ITGB8: variants seen among roughly 807,000 people sequenced by gnomAD.
The protein encoded by ITGB8 is integrin subunit beta 8.
Under a neutral mutation model 89.5 loss-of-function variants are expected in ITGB8, and 30 were observed. The ratio of observed to expected loss-of-function variants is 0.34; its 90% confidence interval spans 0.25 to 0.45. The LOEUF (loss-of-function observed/expected upper bound fraction) is 0.45, where lower values mean the gene tolerates loss of function less well. ITGB8 is among the 20% of genes least tolerant of loss of function. ITGB8 has a pLI of 1.00. For synonymous variants in ITGB8, 335 were observed against 320.4 expected, an observed-to-expected ratio of 1.05 and a Z score of -0.49; for missense variants, 836 against 933.3, an observed-to-expected ratio of 0.90 and a Z score of 1.36.
rs1787688098 is a variant in ITGB8 at position 20,409,704 on chromosome 7, A to G, written c.2113A>G (p.Arg705Gly). 1 of 1,607,948 alleles carries G rather than the reference A, an allele frequency of 6.2e-7. No individual in the cohort carries two copies. The highest frequency in any genetic ancestry group is 8.5e-7 in the Non-Finnish European group (1 of 1,174,912). ...LIGLLKVLII[R>G]QVILQWNSNK... Reference sequence around the variant, plus strand: ...TGGGTTGCTTAAAGTCCTGATCATTAGACAGGTGATACTACAATGGAATAG... The same window carrying G: ...TGGGTTGCTTAAAGTCCTGATCATTGGACAGGTGATACTACAATGGAATAG... The change falls in exon 13 of 14, where the codon AGA (arginine) becomes GGA (glycine). Residue 705 changes from arginine (R) to glycine (G), a missense_variant. By Grantham distance (125) the Arg-to-Gly change is moderately radical (BLOSUM62 -2). Around this residue, in one of 5 missense-constraint regions of ITGB8, gnomAD observed 422 missense variants for 416.9 expected, o/e 1.01. Coordinates refer to ENST00000222573, the MANE Select transcript of ITGB8 (RefSeq NM_002214.3).
rs1392781788 is a variant in ITGB8 at position 20,346,611 on chromosome 7, G to A, written c.127+14678G>A. ...AATTCTTAGGGAAGGAAGAGACAAG[G>A]TCTGAGGAAGCCTGACTTAGTTCTG... On this transcript the variant is annotated intron_variant, in intron 1 of 13. Coordinates refer to ENST00000222573, the MANE Select transcript of ITGB8 (RefSeq NM_002214.3). 4.7e-6 allele frequency: 3 copies of A among 636,690 alleles called. No homozygotes were observed. In the African/African-American group the frequency reaches 5.9e-5, roughly 13 times the overall value. 39.4% of individuals were successfully genotyped at this position (636,690 alleles called of 1,614,324 possible). A position where few individuals can be genotyped will look rare whatever the true frequency, so the allele number is the denominator to read the frequency against.
intron 12 of ITGB8, among the ~76,000 whole-genome samples, chr7:20,406,418 C>T (rs957370825): frequency 1.2e-4 from 19 of 152,004 alleles, no homozygotes; most frequent in East Asian, 5.8e-4. Flanking sequence ...GGCGCAGTGG[C>T]GGGCACCTGT....
chr7:20,372,488 A>G (rs1461765706), intron 3 of ITGB8, among the ~76,000 whole-genome samples: 1 of 152,174 alleles, frequency 6.6e-6, no homozygotes, highest in Admixed American at 6.6e-5. Flanking sequence ...GGAAATCTGT[A>G]TGAATGAAGT....
At chr7:20,399,785 A>C (rs1457713532) in intron 9 of ITGB8, among the ~76,000 whole-genome samples, 2 of 152,198 alleles carry the variant, frequency 1.3e-5, no homozygotes, top group Non-Finnish European at 2.9e-5. Flanking sequence ...GACTTGGACT[A>C]GTAGATTTCC....
intron 3 of ITGB8, among the ~76,000 whole-genome samples, chr7:20,371,489 C>T (rs554219309): frequency 6.6e-6 from 1 of 152,132 alleles, no homozygotes; most frequent in East Asian, 1.9e-4. Flanking sequence ...GTGATTATCT[C>T]ATAAAAGCAA....
At chr7:20,370,529 C>G (rs1018603704) in intron 3 of ITGB8, among the ~76,000 whole-genome samples, 1 of 150,650 alleles carries the variant, frequency 6.6e-6, no homozygotes, top group African/African-American at 2.4e-5. Flanking sequence ...CATGTTCATT[C>G]AAATATTGAA....
chr7:20,354,444 C>A (rs1197817349), intron 1 of ITGB8, among the ~76,000 whole-genome samples: 2 of 152,136 alleles, frequency 1.3e-5, no homozygotes, highest in Non-Finnish European at 2.9e-5. Context: ...GAAAATTCAT[C>A]AGTTAGGAAT....
intron 1 of ITGB8, among the ~76,000 whole-genome samples, chr7:20,360,348 A>ATTTTTT (rs71020629): frequency 1.6e-5 from 2 of 127,704 alleles, no homozygotes; most frequent in Non-Finnish European, 3.2e-5. Context: ...CAGTCCTTTA[A>ATTTTTT]TTTTTTTTTT....
At chr7:20,358,894 A>G (rs955447080) in intron 1 of ITGB8, among the ~76,000 whole-genome samples, 67 of 152,280 alleles carry the variant, frequency 4.4e-4, no homozygotes, top group African/African-American at 1.5e-3. Context: ...GTCAGTGTCT[A>G]CTATTCCCAT....
At chr7:20,376,201 A>G (rs1034562844) in intron 3 of ITGB8, among the ~76,000 whole-genome samples, 19 of 152,124 alleles carry the variant, frequency 1.2e-4, no homozygotes, top group African/African-American at 4.1e-4. Flanking sequence ...TGTCCTTTTC[A>G]TGTAGCCACG....
chr7:20,341,923 G>A (rs761270306), intron 1 of ITGB8, among the ~76,000 whole-genome samples: 52 of 151,948 alleles, frequency 3.4e-4, no homozygotes, highest in Non-Finnish European at 6.3e-4. Context: ...ACTTCTGACT[G>A]CTTTCTACTG....
rs1202569584 is a variant in ITGB8 at position 20,334,376 on chromosome 7, T to C, written c.127+2443T>C. Among the ~76,000 whole-genome samples, 3 of 152,184 alleles carry C rather than the reference T, an allele frequency of 2.0e-5. No individual in the cohort carries two copies. The East Asian group carries it at 5.8e-4, about 29-fold the overall frequency. ...TTACTTATTTTAAAAGATTAAGAAC[T>C]TTCATTACCTAAATTTTTATATAGC... On this transcript the variant is annotated intron_variant, in intron 1 of 13. Transcript: ENST00000222573.
rs371341368 is a variant in ITGB8 at position 20,349,370 on chromosome 7, T to G, written c.128-14267T>G. 9.2e-5 allele frequency among the ~76,000 whole-genome samples: 14 copies of G among 151,754 alleles called. No homozygotes were observed. In the East Asian group the frequency reaches 9.7e-4, roughly 11 times the overall value. On this transcript the variant is annotated intron_variant, in intron 1 of 13. Transcript: ENST00000222573. ...AGTAATTGCGGTTTTTGACATTACT[T>G]TCAATGGCCAAAACCGCAATTACTT... is the stretch of plus-strand genomic sequence containing the variant.
intron 1 of ITGB8, among the ~76,000 whole-genome samples, chr7:20,351,997 A>G (rs558381225): frequency 6.6e-6 from 1 of 152,386 alleles, no homozygotes; most frequent in African/African-American, 2.4e-5. Context: ...TTAGAGGAAC[A>G]GACTGGGAAA....
chr7:20,361,103 G>A (rs531185698), intron 1 of ITGB8, among the ~76,000 whole-genome samples: 40 of 151,696 alleles, frequency 2.6e-4, no homozygotes, highest in Admixed American at 8.5e-4. Flanking sequence ...TCTAATGATC[G>A]GTGATGTTGA....
At chr7:20,385,482 T>C (rs1786571683) in intron 6 of ITGB8, among the ~76,000 whole-genome samples, 1 of 152,224 alleles carries the variant, frequency 6.6e-6, no homozygotes, top group Admixed American at 6.5e-5. Flanking sequence ...TACTGCTGGC[T>C]TCATAGTTCA....
chr7:20,356,442 A>G (rs750121405), intron 1 of ITGB8, among the ~76,000 whole-genome samples: 1 of 152,136 alleles, frequency 6.6e-6, no homozygotes, highest in Non-Finnish European at 1.5e-5. Flanking sequence ...TCTAAACTTT[A>G]CTCTTAAGCA....
At chr7:20,347,761 G>A (rs1003323072) in intron 1 of ITGB8, among the ~76,000 whole-genome samples, 1 of 152,138 alleles carries the variant, frequency 6.6e-6, no homozygotes, top group Admixed American at 6.5e-5. Flanking sequence ...TGGAACTGAA[G>A]GTACCAATTT....
At position 20,411,662 on chromosome 7, in the gene ITGB8, T is replaced by C. The variant is rs1787766272; in HGVS notation, c.*1665T>C. The C allele has an allele frequency of 6.5e-6, 1 of 152,682 alleles. No individual in the cohort carries two copies. The highest frequency in any genetic ancestry group is 1.5e-5 in the Non-Finnish European group (1 of 68,044). 9.5% of individuals were successfully genotyped at this position (152,682 alleles called of 1,614,324 possible). A position where few individuals can be genotyped will look rare whatever the true frequency, so the allele number is the denominator to read the frequency against. ...AATGTTTTTCAATGTGATTTACTCATGTCTTAAGTGTATGAGGAAAGTTCA... is the reference window on the plus strand; with the variant it reads ...AATGTTTTTCAATGTGATTTACTCACGTCTTAAGTGTATGAGGAAAGTTCA... On this transcript the variant is annotated 3_prime_UTR_variant, in exon 14 of 14. Coordinates refer to ENST00000222573, the MANE Select transcript of ITGB8 (RefSeq NM_002214.3).
Sources: gnomAD v4.1 joint callset for allele counts (sites outside exome capture counted in the v4.1 genomes callset) on GRCh38, gnomAD v4.1.1 for gene constraint, gnomAD v4.1.1 regional missense constraint, MANE v1.5 for transcripts, NCBI Gene and HGNC (gene_info 2026-07-23, HGNC 2026-07-21) for gene names.